Variants in CNKSR3 observed in about 807,000 individuals in gnomAD.
CNKSR3 encodes connector enhancer of kinase suppressor of ras 3.
In CNKSR3, 36 loss-of-function variants were observed where a neutral mutation model predicts 67.7. The observed-to-expected ratio is 0.53, with a 90% confidence interval of 0.41 to 0.70. The LOEUF (loss-of-function observed/expected upper bound fraction) is 0.70, where lower values mean the gene tolerates loss of function less well. CNKSR3 is among the 30% of genes least tolerant of loss of function. The pLI is 0.00. For synonymous variants in CNKSR3, 281 were observed against 271.4 expected, an observed-to-expected ratio of 1.04 and a Z score of -0.35; for missense variants, 630 against 695.2, an observed-to-expected ratio of 0.91 and a Z score of 1.05.
chr6:154,454,723 T>G (rs1785914983), intron 1 of CNKSR3, among the ~76,000 whole-genome samples: 1 of 151,836 alleles, frequency 6.6e-6, no homozygotes, highest in South Asian at 2.1e-4. Context: ...GGTCTCCCTA[T>G]GTTGCCCAGG....
In CNKSR3 at chr6:154,395,657, C is replaced by T. The variant is rs1784654143; in HGVS notation, c.*10697G>A. The T allele has an allele frequency of 6.6e-6, 1 of 152,228 alleles. No homozygotes were observed. Among genetic ancestry groups the T allele is most frequent in the Non-Finnish European group, 1.5e-5 (1 of 68,048 alleles). 9.4% of individuals were successfully genotyped at this position (152,228 alleles called of 1,614,324 possible). ...TCCAAAAGAGCAGCAACAATATTCT[C>T]AGTGGTTCTACCACTCAACCCCTTG... is the stretch of plus-strand genomic sequence containing the variant. On this transcript the variant is annotated 3_prime_UTR_variant, in exon 13 of 13. Coordinates refer to ENST00000607772, the MANE Select transcript of CNKSR3 (RefSeq NM_173515.4).
chr6:154,469,869 A>C (rs1786284901), intron 1 of CNKSR3, among the ~76,000 whole-genome samples: 1 of 152,232 alleles, frequency 6.6e-6, no homozygotes, highest in South Asian at 2.1e-4. Context: ...TACAGATAAC[A>C]TAAAGTCTAT....
intron 1 of CNKSR3, among the ~76,000 whole-genome samples, chr6:154,452,675 T>C (rs1158427901): frequency 6.6e-6 from 1 of 152,260 alleles, no homozygotes; most frequent in Non-Finnish European, 1.5e-5. Flanking sequence ...TTACAGTCCC[T>C]GGAATGTATT....
At position 154,402,166 on chromosome 6, in the gene CNKSR3, T is replaced by G. The variant is rs1448312320; in HGVS notation, c.*4188A>C. ...TCCCCCACCTCCGCCCAAGAGGCAGTTCTGGAAATGTGAGCATGTTAGGGG... is the reference window on the plus strand; with the variant it reads ...TCCCCCACCTCCGCCCAAGAGGCAGGTCTGGAAATGTGAGCATGTTAGGGG... On this transcript the variant is annotated 3_prime_UTR_variant, in exon 13 of 13. Transcript: ENST00000607772. 5 of 152,158 alleles carry G rather than the reference T, an allele frequency of 3.3e-5. No homozygotes were observed. Among genetic ancestry groups the G allele is most frequent in the Non-Finnish European group, 7.3e-5 (5 of 68,040 alleles). The allele number at this position is 152,158 out of a possible 1,614,324, so 9.4% of individuals were successfully genotyped here.
intron 1 of CNKSR3, among the ~76,000 whole-genome samples, chr6:154,464,721 A>C (rs543884331): frequency 3.6e-4 from 54 of 151,764 alleles, no homozygotes; most frequent in Non-Finnish European, 5.5e-4. Flanking sequence ...TCTCAGAAAA[A>C]AAAAAGGAAA....
At chr6:154,470,188 CTTTTTTTTTTTTTTT>C (rs869154714) in intron 1 of CNKSR3, among the ~76,000 whole-genome samples, 1,321 of 68,806 alleles carry the variant, frequency 0.019, 60 homozygotes, top group African/African-American at 0.074. Flanking sequence ...ACTTTCTTTC[CTTTTTTTTTTTTTTT>C]TTTTTTTTTT....
In CNKSR3 at chr6:154,416,472, C is replaced by G. The variant is rs551215532; in HGVS notation, c.946-2049G>C. On this transcript the variant is annotated intron_variant, in intron 9 of 12. Transcript: ENST00000607772. ...TATCTGAAAACATGAGGCCAGGATC[C>G]AGATTCTCCAAATCTTAGAAGCAAA... Among the ~76,000 whole-genome samples the G allele has an allele frequency of 5.3e-5, 8 of 152,318 alleles. No individual in the cohort carries two copies. The East Asian group carries it at 1.3e-3, about 26-fold the overall frequency.
intron 5 of CNKSR3, among the ~76,000 whole-genome samples, chr6:154,432,548 T>A (rs1785391235): frequency 6.6e-6 from 1 of 152,254 alleles, no homozygotes; most frequent in South Asian, 2.1e-4. Context: ...AATTTTTCTT[T>A]CATGAATTAT....
chr6:154,484,443 C>T (rs987544280), intron 1 of CNKSR3, among the ~76,000 whole-genome samples: 5 of 152,180 alleles, frequency 3.3e-5, no homozygotes, highest in African/African-American at 4.8e-5. Context: ...CAGTGGCTCA[C>T]GCCTGTAATC....
chr6:154,389,343 G>A lies in CNKSR3; in HGVS notation c.*17011C>T, dbSNP rs1448655549. 6.6e-6 allele frequency: 1 copy of A among 152,420 alleles called. No homozygotes were observed. 9.4% of individuals were successfully genotyped at this position (152,420 alleles called of 1,614,324 possible). On this transcript the variant is annotated 3_prime_UTR_variant, in exon 13 of 13. Transcript: ENST00000607772. ...TTTTCTCAATACCATGTGTTGAAGA[G>A]ACTATCCTTTCCCCATTATGTATTC...
At chr6:154,508,752 C>G (rs896984987) in intron 1 of CNKSR3, among the ~76,000 whole-genome samples, 2 of 152,226 alleles carry the variant, frequency 1.3e-5, no homozygotes, top group African/African-American at 2.4e-5. Context: ...AAATTCTGCT[C>G]ACTTGACAAA....
In CNKSR3 at chr6:154,403,420, A is replaced by AAG. The variant is rs934166411; in HGVS notation, c.*2933_*2934insCT. The AAG allele has an allele frequency of 6.6e-5, 10 of 151,866 alleles. No homozygotes were observed. Among genetic ancestry groups the AAG allele is most frequent in the African/African-American group, 1.9e-4 (8 of 41,372 alleles). 9.4% of individuals were successfully genotyped at this position (151,866 alleles called of 1,614,324 possible). A position where few individuals can be genotyped will look rare whatever the true frequency, so the allele number is the denominator to read the frequency against. On this transcript the variant is annotated 3_prime_UTR_variant, in exon 13 of 13. Transcript: ENST00000607772. ...GAGAATCTGTCTCAGAAAAAAAAAA[A>AAG]AATTTTTTTTAAAGAAATAAAAATA...
chr6:154,410,976 T>C lies in CNKSR3; in HGVS notation c.1237A>G (p.Asn413Asp). The C allele has an allele frequency of 6.2e-7, 1 of 1,613,832 alleles. No homozygotes were observed. Among genetic ancestry groups the C allele is most frequent in the African/African-American group, 1.3e-5 (1 of 75,024 alleles). Residue 413 changes from asparagine to aspartate, a missense_variant, in exon 11 of 13, where the codon AAC becomes GAC. By Grantham distance (23) the Asn-to-Asp change is conservative. Coordinates refer to ENST00000607772, the MANE Select transcript of CNKSR3 (RefSeq NM_173515.4). ...TCTCTCATTTTTGTGGGCAGAATGTTGGTTTCCACCGAGTACCCAGGCAAC... is the reference window on the plus strand; with the variant it reads ...TCTCTCATTTTTGTGGGCAGAATGTCGGTTTCCACCGAGTACCCAGGCAAC... Reference protein sequence around the residue: ...DQLPGYSVETNILPTKMREKT... With the variant: ...DQLPGYSVETDILPTKMREKT...
chr6:154,458,507 C>G (rs773565994), intron 1 of CNKSR3, among the ~76,000 whole-genome samples: 4 of 152,086 alleles, frequency 2.6e-5, no homozygotes, highest in Non-Finnish European at 4.4e-5. Context: ...ACTCAGTGAG[C>G]TTGGACAAAC....
Position 154,393,457 on chromosome 6 carries a change from T to C in CNKSR3, c.*12897A>G, listed in dbSNP as rs1263868579. The C allele has an allele frequency of 6.6e-6, 1 of 152,232 alleles. No homozygotes were observed. Among genetic ancestry groups the C allele is most frequent in the Non-Finnish European group, 1.5e-5 (1 of 68,042 alleles). 9.4% of individuals were successfully genotyped at this position (152,232 alleles called of 1,614,324 possible). Reference sequence around the variant, plus strand: ...GCTAGTGAAAATCGCTTCACATGCATATGGACCATCTGATTCTCTTTTGCA... The same window carrying C: ...GCTAGTGAAAATCGCTTCACATGCACATGGACCATCTGATTCTCTTTTGCA... On this transcript the variant is annotated 3_prime_UTR_variant, in exon 13 of 13. Coordinates refer to ENST00000607772, the MANE Select transcript of CNKSR3 (RefSeq NM_173515.4).
chr6:154,443,546 A>C (rs1438162728), intron 2 of CNKSR3, among the ~76,000 whole-genome samples: 1 of 151,852 alleles, frequency 6.6e-6, no homozygotes, highest in African/African-American at 2.4e-5. Flanking sequence ...CTGGGACGTG[A>C]GGGCTGCAGA....
chr6:154,396,434 C>A lies in CNKSR3; in HGVS notation c.*9920G>T, dbSNP rs1784661826. On this transcript the variant is annotated 3_prime_UTR_variant, in exon 13 of 13. Coordinates refer to ENST00000607772, the MANE Select transcript of CNKSR3 (RefSeq NM_173515.4). ...ATTAATAAAATTAAAACAATTTTCA[C>A]AGAAAATTTTAATAATTTTTTCTAA... 1 of 152,134 alleles carries A rather than the reference C, an allele frequency of 6.6e-6. No individual in the cohort carries two copies. The highest frequency in any genetic ancestry group is 1.5e-5 in the Non-Finnish European group (1 of 68,034). 9.4% of individuals were successfully genotyped at this position (152,134 alleles called of 1,614,324 possible).
chr6:154,460,105 C>A (rs1786047152), intron 1 of CNKSR3, among the ~76,000 whole-genome samples: 2 of 152,164 alleles, frequency 1.3e-5, no homozygotes, highest in Admixed American at 1.3e-4. Context: ...GGGAGAAGCA[C>A]CCAGAGCAGG....
chr6:154,467,205 A>T (rs147221857), intron 1 of CNKSR3, among the ~76,000 whole-genome samples: 235 of 152,214 alleles, frequency 1.5e-3, no homozygotes, highest in African/African-American at 5.3e-3. Context: ...GGGAGTAGAG[A>T]TACTTTAATC....
Sources: allele counts gnomAD v4.1 joint callset (sites outside exome capture counted in the v4.1 genomes callset), GRCh38; gene constraint gnomAD v4.1.1; transcripts MANE v1.5; gene names NCBI Gene and HGNC (gene_info 2026-07-23, HGNC 2026-07-21).